The following KIAA1958 variants were observed in gnomAD, a reference collection of about 807,000 sequenced individuals.
KIAA1958 encodes the protein uncharacterized protein KIAA1958.
KIAA1958 carries 14 observed loss-of-function variants against 47.2 expected under a neutral mutation model. That is an observed-to-expected ratio of 0.30 (90% CI 0.20 to 0.46). KIAA1958 has a LOEUF of 0.46. Among genes scored for constraint, KIAA1958 ranks in the 20% least tolerant of loss-of-function variants. The probability of loss-of-function intolerance (pLI) is 1.00; values close to 1 mark genes in which losing one functional copy is unlikely to be tolerated. For missense variants in KIAA1958, 803 were observed against 909.2 expected (o/e 0.88, Z 1.50); for synonymous variants, 354 against 353.3 (o/e 1.00, Z -0.02).
chr9:112,568,936 T>TAAAAAAAAAAAAAAAAAAAAAAAAAA lies in KIAA1958; in HGVS notation c.-24-5115_-24-5090dup, dbSNP rs57898820. On this transcript the variant is annotated intron_variant, in intron 1 of 3. Transcript: ENST00000337530. ...GCTGCCAATTTAAGAATAGGAAAACTAAAAAAAAAAAAAAAAAAAAAAAAA... is the reference window on the plus strand; with the variant it reads ...GCTGCCAATTTAAGAATAGGAAAACTAAAAAAAAAAAAAAAAAAAAAAAAAAAAAAAAAAAAAAAAAAAAAAAAAAA... 1.4e-4 allele frequency among the ~76,000 whole-genome samples: 5 copies of TAAAAAAAAAAAAAAAAAAAAAAAAAA among 36,454 alleles called. 1 individual carries two copies. Among genetic ancestry groups the TAAAAAAAAAAAAAAAAAAAAAAAAAA allele is most frequent in the Non-Finnish European group, 1.4e-4 (3 of 22,092 alleles). 23.9% of individuals were successfully genotyped at this position (36,454 alleles called of 152,430 possible).
At chr9:112,596,996 G>A (rs1225005262) in intron 2 of KIAA1958, among the ~76,000 whole-genome samples, 3 of 127,658 alleles carry the variant, frequency 2.4e-5, no homozygotes, top group Admixed American at 8.5e-5. Flanking sequence ...TTTCTGTTGT[G>A]GTATAGTAAC....
intron 1 of KIAA1958, among the ~76,000 whole-genome samples, chr9:112,556,115 G>A (rs888802664): frequency 6.6e-6 from 1 of 152,090 alleles, no homozygotes; most frequent in Non-Finnish European, 1.5e-5. Context: ...ACCGCAATGG[G>A]GATTAGTTTC....
intron 3 of KIAA1958, among the ~76,000 whole-genome samples, chr9:112,657,839 T>C (rs993978894): frequency 4.3e-4 from 66 of 152,006 alleles, no homozygotes; most frequent in African/African-American, 1.5e-3. Context: ...AAGACAGTCA[T>C]TAACTTTTCC....
intron 2 of KIAA1958, among the ~76,000 whole-genome samples, chr9:112,632,962 T>C (rs60840913): frequency 0.029 from 4,458 of 151,978 alleles, 86 homozygotes; most frequent in Middle Eastern, 0.092. Context: ...TTTGTGTGTG[T>C]TATGAAACAG....
At chr9:112,644,597 T>C (rs1056050263) in intron 2 of KIAA1958, among the ~76,000 whole-genome samples, 10 of 72,230 alleles carry the variant, frequency 1.4e-4, no homozygotes, top group African/African-American at 4.5e-4. Flanking sequence ...AGTTATTCCT[T>C]TGGCAACCAA....
chr9:112,636,071 GA>G (rs906907965), intron 2 of KIAA1958, among the ~76,000 whole-genome samples: 1 of 148,424 alleles, frequency 6.7e-6, no homozygotes, highest in Non-Finnish European at 1.5e-5. Flanking sequence ...AATTCTCATT[GA>G]TTTTTTTTCT....
At chr9:112,620,687 G>T (rs907506937) in intron 2 of KIAA1958, among the ~76,000 whole-genome samples, 2 of 151,978 alleles carry the variant, frequency 1.3e-5, no homozygotes, top group African/African-American at 2.4e-5. Flanking sequence ...TTATGTTTTT[G>T]TATTGATAGT....
At chr9:112,587,446 G>A (rs1043239622) in intron 2 of KIAA1958, among the ~76,000 whole-genome samples, 1 of 152,160 alleles carries the variant, frequency 6.6e-6, no homozygotes, top group Non-Finnish European at 1.5e-5. Context: ...TACTGCGCCT[G>A]GCCCAGAAGT....
At chr9:112,515,243 C>A (rs1415375577) in intron 1 of KIAA1958, among the ~76,000 whole-genome samples, 1 of 103,510 alleles carries the variant, frequency 9.7e-6, no homozygotes, top group African/African-American at 3.5e-5. Flanking sequence ...GCCAGCCGCC[C>A]TGTCCGGGAG....
At chr9:112,610,150 A>T (rs1425677869) in intron 2 of KIAA1958, among the ~76,000 whole-genome samples, 1 of 152,194 alleles carries the variant, frequency 6.6e-6, no homozygotes, top group Non-Finnish European at 1.5e-5. Context: ...GAAATCAATA[A>T]TGCAGAGTAA....
chr9:112,527,208 T>C (rs1261682839), intron 1 of KIAA1958, among the ~76,000 whole-genome samples: 2 of 152,208 alleles, frequency 1.3e-5, no homozygotes, highest in Admixed American at 1.3e-4. Flanking sequence ...GCATACAGAC[T>C]ACCTTAGTAC....
chr9:112,563,414 T>G (rs1835372594), intron 1 of KIAA1958, among the ~76,000 whole-genome samples: 1 of 152,194 alleles, frequency 6.6e-6, no homozygotes, highest in South Asian at 2.1e-4. Flanking sequence ...TAGCATTGTT[T>G]TGTTGTTTTT....
At chr9:112,562,613 A>AG (rs1835353615) in intron 1 of KIAA1958, among the ~76,000 whole-genome samples, 1 of 152,136 alleles carries the variant, frequency 6.6e-6, no homozygotes, top group African/African-American at 2.4e-5. Flanking sequence ...CCCTTTGAAG[A>AG]GACCCAGAAG....
At chr9:112,570,956 A>G (rs1223219026) in intron 1 of KIAA1958, among the ~76,000 whole-genome samples, 2 of 152,216 alleles carry the variant, frequency 1.3e-5, no homozygotes, top group Non-Finnish European at 2.9e-5. Flanking sequence ...CCAGAGTCCA[A>G]AGGCTGGAGG....
chr9:112,589,924 A>G (rs1412943688), intron 2 of KIAA1958, among the ~76,000 whole-genome samples: 4 of 152,218 alleles, frequency 2.6e-5, no homozygotes, highest in Non-Finnish European at 5.9e-5. Context: ...TATAGCCATT[A>G]TAAGTTTTTC....
intron 1 of KIAA1958, among the ~76,000 whole-genome samples, chr9:112,563,574 CCTTTA>C (rs2131161901): frequency 6.7e-6 from 1 of 150,110 alleles, no homozygotes; most frequent in South Asian, 2.1e-4. Flanking sequence ...AATCTTGTAT[CCTTTA>C]CTTTGCTAAA....
intron 2 of KIAA1958, among the ~76,000 whole-genome samples, chr9:112,610,480 A>G (rs1403644993): frequency 6.6e-6 from 1 of 152,164 alleles, no homozygotes; most frequent in African/African-American, 2.4e-5. Context: ...AAGAGGAAGC[A>G]TAGATATAGA....
At chr9:112,590,599 G>T (rs575552014) in intron 2 of KIAA1958, among the ~76,000 whole-genome samples, 2 of 152,080 alleles carry the variant, frequency 1.3e-5, no homozygotes, top group East Asian at 3.9e-4. Flanking sequence ...TGATCCACCC[G>T]CTTGGGCTCC....
At position 112,568,158 on chromosome 9, in the gene KIAA1958, T is replaced by C. The variant is rs1835460884; in HGVS notation, c.-24-5899T>C. On this transcript the variant is annotated intron_variant, in intron 1 of 3. Coordinates refer to ENST00000337530, the MANE Select transcript of KIAA1958 (RefSeq NM_133465.4). ...TTTTGCAAACGGAAACACTCAGGTATACTAATGACAGTTTCATGGGTATAA... is the reference window on the plus strand; with the variant it reads ...TTTTGCAAACGGAAACACTCAGGTACACTAATGACAGTTTCATGGGTATAA... Among the ~76,000 whole-genome samples, 4 of 152,116 alleles carry C rather than the reference T, an allele frequency of 2.6e-5. No homozygotes were observed. The South Asian group carries it at 6.2e-4, about 24-fold the overall frequency.
Sources: gnomAD v4.1 joint callset for allele counts (sites outside exome capture counted in the v4.1 genomes callset) on GRCh38, gnomAD v4.1.1 for gene constraint, MANE v1.5 for transcripts, NCBI Gene and HGNC (gene_info 2026-07-23, HGNC 2026-07-21) for gene names.